The following PDLIM5 variants were observed in gnomAD, a reference collection of about 807,000 sequenced individuals.
The protein encoded by PDLIM5 is PDZ and LIM domain protein 5.
PDLIM5 carries 34 observed loss-of-function variants against 64.2 expected under a neutral mutation model. The observed-to-expected ratio is 0.53, with a 90% confidence interval of 0.40 to 0.71. PDLIM5 has a LOEUF of 0.71. PDLIM5 is among the 30% of genes least tolerant of loss of function. The pLI is 0.00. For missense variants in PDLIM5, 683 were observed against 733.6 expected, an observed-to-expected ratio of 0.93 and a Z score of 0.80; for synonymous variants, 253 against 269.1, an observed-to-expected ratio of 0.94 and a Z score of 0.59.
intron 3 of PDLIM5, among the ~76,000 whole-genome samples, chr4:94,571,578 G>A (rs1438829001): frequency 6.6e-6 from 1 of 152,172 alleles, no homozygotes; most frequent in Non-Finnish European, 1.5e-5. Context: ...GATCACTGCA[G>A]TTCAAAGGGG....
At chr4:94,467,038 A>G (rs1035013957) in intron 2 of PDLIM5, among the ~76,000 whole-genome samples, 3 of 152,220 alleles carry the variant, frequency 2.0e-5, no homozygotes, top group African/African-American at 4.8e-5. Flanking sequence ...AGAGAGATCA[A>G]TTCAAATATT....
At chr4:94,481,877 T>G (rs1430347091) in intron 2 of PDLIM5, among the ~76,000 whole-genome samples, 5 of 152,112 alleles carry the variant, frequency 3.3e-5, no homozygotes, top group East Asian at 1.9e-4. Context: ...CGAAAGTGCT[T>G]GGATTACAGG....
intron 2 of PDLIM5, among the ~76,000 whole-genome samples, chr4:94,504,099 G>A (rs977633276): frequency 2.4e-4 from 36 of 152,010 alleles, no homozygotes; most frequent in African/African-American, 7.5e-4. Flanking sequence ...TAATAGAAAG[G>A]TATTTTAGTA....
chr4:94,591,987 A>G (rs1324748477), intron 7 of PDLIM5, among the ~76,000 whole-genome samples: 2 of 152,250 alleles, frequency 1.3e-5, no homozygotes, highest in Admixed American at 6.5e-5. Context: ...TCTTCAACCC[A>G]GATCACAAAC....
chr4:94,542,553 G>A (rs2110187674), intron 3 of PDLIM5, among the ~76,000 whole-genome samples: 1 of 152,262 alleles, frequency 6.6e-6, no homozygotes, highest in African/African-American at 2.4e-5. Flanking sequence ...TTCCTAATCA[G>A]TAGATTCTAT....
chr4:94,470,401 T>C (rs760849609), intron 2 of PDLIM5, among the ~76,000 whole-genome samples: 35 of 152,244 alleles, frequency 2.3e-4, no homozygotes, highest in Non-Finnish European at 4.6e-4. Flanking sequence ...TTACAAATTA[T>C]GCTGGTAACA....
intron 3 of PDLIM5, among the ~76,000 whole-genome samples, chr4:94,567,536 G>A (rs1734447205): frequency 6.7e-6 from 1 of 150,130 alleles, no homozygotes; most frequent in South Asian, 2.1e-4. Context: ...CCTAAAGATA[G>A]TATAGTTCAT....
chr4:94,453,027 C>T (rs1019053313), intron 1 of PDLIM5, among the ~76,000 whole-genome samples: 2 of 151,986 alleles, frequency 1.3e-5, no homozygotes, highest in Non-Finnish European at 2.9e-5. Context: ...TGTAGTTCAT[C>T]TTGAGTTCTC....
intron 2 of PDLIM5, among the ~76,000 whole-genome samples, chr4:94,514,072 C>A (rs1729136268): frequency 6.6e-6 from 1 of 151,746 alleles, no homozygotes; most frequent in Non-Finnish European, 1.5e-5. Context: ...GGGATAAATC[C>A]CACTTGGTCA....
chr4:94,557,466 G>C (rs889154453), intron 3 of PDLIM5, among the ~76,000 whole-genome samples: 7 of 152,144 alleles, frequency 4.6e-5, no homozygotes, highest in Non-Finnish European at 8.8e-5. Flanking sequence ...GTTGGATGGG[G>C]ATGGCATTGA....
intron 8 of PDLIM5, among the ~76,000 whole-genome samples, chr4:94,634,964 G>A (rs1214924959): frequency 1.3e-5 from 2 of 152,172 alleles, no homozygotes; most frequent in South Asian, 2.1e-4. Context: ...TTTCTGGTAT[G>A]TTGCTAGGTT....
intron 3 of PDLIM5, among the ~76,000 whole-genome samples, chr4:94,541,871 T>C (rs1003970505): frequency 1.3e-5 from 2 of 152,228 alleles, no homozygotes; most frequent in East Asian, 1.9e-4. Context: ...AACAGAATCA[T>C]GGTCTCCAAG....
Position 94,633,146 on chromosome 4 carries a change from G to A in PDLIM5, c.1109-7130G>A, listed in dbSNP as rs960136838. Among the ~76,000 whole-genome samples the A allele has an allele frequency of 5.9e-5, 9 of 152,230 alleles. No homozygotes were observed. In the South Asian group the frequency reaches 6.2e-4, roughly 11 times the overall value. On this transcript the variant is annotated intron_variant, in intron 8 of 12. Coordinates refer to ENST00000317968, the MANE Select transcript of PDLIM5 (RefSeq NM_006457.5). ...TATATTACAATATAGATTAAATGGC[G>A]TATCTTGAATTTGTTTCAAAATAGT... is the stretch of plus-strand genomic sequence containing the variant.
At chr4:94,511,181 A>G (rs990847309) in intron 2 of PDLIM5, among the ~76,000 whole-genome samples, 2 of 152,212 alleles carry the variant, frequency 1.3e-5, no homozygotes, top group Non-Finnish European at 2.9e-5. Flanking sequence ...CCTTTATACT[A>G]CTAAGGGTTG....
At chr4:94,552,967 T>C (rs970391279) in intron 3 of PDLIM5, among the ~76,000 whole-genome samples, 15 of 152,248 alleles carry the variant, frequency 9.9e-5, no homozygotes, top group African/African-American at 3.4e-4. Context: ...GCTAGAAGTA[T>C]AGTGTCAACT....
chr4:94,575,872 C>T lies in PDLIM5; in HGVS notation c.548C>T (p.Ala183Val), dbSNP rs371298021. The T allele has an allele frequency of 6.2e-7, 1 of 1,614,150 alleles. No homozygotes were observed. Among genetic ancestry groups the T allele is most frequent in the Non-Finnish European group, 8.5e-7 (1 of 1,180,032 alleles). The change falls in exon 5 of 13, where the codon GCC (alanine) becomes GTC (valine). Residue 183 changes from alanine (A) to valine (V), a missense_variant. Physicochemically the swap from Ala to Val is moderately conservative, Grantham distance 64. Transcript: ENST00000317968. ...LFAASGLHAN[A>V]NLSADQSPSA... is the part of the protein sequence containing the mutation. ...GCTGCATCTGGACTGCATGCTAATGCCAATCTTAGTGCTGACCAGTCTCCA... is the reference window on the plus strand; with the variant it reads ...GCTGCATCTGGACTGCATGCTAATGTCAATCTTAGTGCTGACCAGTCTCCA...
chr4:94,660,592 A>G (rs995756804), intron 11 of PDLIM5, among the ~76,000 whole-genome samples: 1 of 152,174 alleles, frequency 6.6e-6, no homozygotes, highest in Non-Finnish European at 1.5e-5. Context: ...CAATGAGAAT[A>G]TGAGCCCCAT....
At chr4:94,484,540 A>G (rs2126111056) in intron 2 of PDLIM5, among the ~76,000 whole-genome samples, 1 of 152,322 alleles carries the variant, frequency 6.6e-6, no homozygotes, top group African/African-American at 2.4e-5. Flanking sequence ...TTTTACATGC[A>G]TTCTTATTTG....
At chr4:94,657,062 C>A (rs1051025730) in intron 10 of PDLIM5, among the ~76,000 whole-genome samples, 3 of 152,088 alleles carry the variant, frequency 2.0e-5, no homozygotes, top group African/African-American at 7.2e-5. Flanking sequence ...TACCATAAAA[C>A]CTTGGTAAGT....
Sources: allele counts gnomAD v4.1 joint callset (sites outside exome capture counted in the v4.1 genomes callset), GRCh38; gene constraint gnomAD v4.1.1; transcripts MANE v1.5; gene names NCBI Gene and HGNC (gene_info 2026-07-23, HGNC 2026-07-21).